ANAPC7: variants seen among roughly 807,000 people sequenced by gnomAD.
The protein encoded by ANAPC7 is anaphase-promoting complex subunit 7.
ANAPC7 carries 25 observed loss-of-function variants against 63.3 expected under a neutral mutation model. The ratio of observed to expected loss-of-function variants is 0.39; its 90% CI spans 0.29 to 0.55. The LOEUF is 0.55. Among genes scored for constraint, ANAPC7 ranks in the 20% least tolerant of loss-of-function variants. The pLI, the probability that ANAPC7 is intolerant of heterozygous loss-of-function variation, is 0.57. For missense variants in ANAPC7, 516 were observed against 691.7 expected, an observed-to-expected ratio of 0.75 and a Z score of 2.85; for synonymous variants, 241 against 251.7, an observed-to-expected ratio of 0.96 and a Z score of 0.40.
intron 6 of ANAPC7, among the ~76,000 whole-genome samples, chr12:110,384,781 T>A (rs1439135440): frequency 1.3e-5 from 2 of 152,024 alleles, no homozygotes; most frequent in African/African-American, 4.8e-5. Flanking sequence ...TGTCCTTCTA[T>A]CCTGTGGTGT....
chr12:110,377,868 C>T (rs992862222), intron 8 of ANAPC7: 1 of 1,345,282 alleles, frequency 7.4e-7, no homozygotes, highest in African/African-American at 1.5e-5. Context: ...AGGAAACAAG[C>T]ACATGTAAGG....
At chr12:110,389,168 T>C (rs1009366724) in intron 3 of ANAPC7, among the ~76,000 whole-genome samples, 1 of 151,716 alleles carries the variant, frequency 6.6e-6, no homozygotes, top group African/African-American at 2.4e-5. Context: ...GAAAGTCACA[T>C]TACCTTCCCA....
rs1258924061 is a variant in ANAPC7 at position 110,373,433 on chromosome 12, G to A, written c.*711C>T. On this transcript the variant is annotated 3_prime_UTR_variant, in exon 11 of 11. Transcript: ENST00000455511. ...ATTGCGAATAAGACAAAAATACTAAGAGTCTATTTTGAAAAGGGCTTCCAT... is the reference window on the plus strand; with the variant it reads ...ATTGCGAATAAGACAAAAATACTAAAAGTCTATTTTGAAAAGGGCTTCCAT... 1.3e-5 allele frequency: 2 copies of A among 152,072 alleles called. No homozygotes were observed. Among genetic ancestry groups the A allele is most frequent in the Admixed American group, 1.3e-4 (2 of 15,272 alleles). 9.4% of individuals were successfully genotyped at this position (152,072 alleles called of 1,614,324 possible).
intron 10 of ANAPC7, chr12:110,375,530 C>T: frequency 2.2e-6 from 2 of 896,076 alleles, no homozygotes; most frequent in South Asian, 5.1e-5. Flanking sequence ...AGGCACAGGG[C>T]TAAGAGCTTT....
At chr12:110,403,255 G>A (rs2062259521) in intron 1 of ANAPC7, among the ~76,000 whole-genome samples, 1 of 152,168 alleles carries the variant, frequency 6.6e-6, no homozygotes. Context: ...AGGTGCCTCA[G>A]GAAACCCTCG....
At chr12:110,402,182 AAAAT>A (rs1473046878) in intron 1 of ANAPC7, among the ~76,000 whole-genome samples, 8 of 151,888 alleles carry the variant, frequency 5.3e-5, no homozygotes, top group South Asian at 2.1e-4. Flanking sequence ...CAAAAAAATA[AAAAT>A]AAATAAACAA....
intron 6 of ANAPC7, among the ~76,000 whole-genome samples, chr12:110,385,345 GCTCA>G (rs1388844282): frequency 6.6e-6 from 1 of 152,164 alleles, no homozygotes; most frequent in Non-Finnish European, 1.5e-5. Flanking sequence ...AGGGACCTAT[GCTCA>G]CTGTTACCCA....
At chr12:110,382,789 C>T in intron 7 of ANAPC7, 54 bp downstream of exon 7, 1 of 1,414,064 alleles carries the variant, frequency 7.1e-7, no homozygotes. Flanking sequence ...CAAGAGCAAC[C>T]ATTATCTCTT....
intron 1 of ANAPC7, among the ~76,000 whole-genome samples, chr12:110,399,654 G>A (rs577322620): frequency 2.0e-5 from 3 of 152,036 alleles, no homozygotes; most frequent in East Asian, 3.9e-4. Context: ...GGCCATGTGC[G>A]GTGGCTTATG....
At position 110,403,579 on chromosome 12, in the gene ANAPC7, A is replaced by G; in HGVS notation, c.49T>C (p.Ser17Pro). The G allele has an allele frequency of 1.2e-6, 2 of 1,609,238 alleles. No homozygotes were observed. Among genetic ancestry groups the G allele is most frequent in the Non-Finnish European group, 8.5e-7 (1 of 1,178,334 alleles). ...AAGCTGCTGAGGAGCCGCACGTTGGAGTGCAGCCCCGCGGCCGCCATGTCC... is the reference window on the plus strand; with the variant it reads ...AAGCTGCTGAGGAGCCGCACGTTGGGGTGCAGCCCCGCGGCCGCCATGTCC... ...VRDMAAAGLH[S>P]NVRLLSSLLL... The change falls in exon 1 of 11, where the codon TCC becomes CCC. Residue 17 changes from serine (S) to proline (P), a missense_variant. By Grantham distance (74) the Ser-to-Pro change is moderately conservative. Around this residue, in one of 4 missense-constraint regions of ANAPC7, gnomAD observed 185 missense variants for 200.3 expected, o/e 0.92. Transcript: ENST00000455511.
intron 6 of ANAPC7, among the ~76,000 whole-genome samples, chr12:110,383,456 C>T (rs1882128775): frequency 6.6e-6 from 1 of 151,334 alleles, no homozygotes; most frequent in Non-Finnish European, 1.5e-5. Context: ...ATGCAAAACC[C>T]AGCTGGGCGT....
At chr12:110,388,866 G>A (rs1443839491) in intron 3 of ANAPC7, among the ~76,000 whole-genome samples, 1 of 151,980 alleles carries the variant, frequency 6.6e-6, no homozygotes, top group Non-Finnish European at 1.5e-5. Context: ...GGATCACGAG[G>A]TCAGGAGATT....
intron 6 of ANAPC7, 144 bp from the exon 7 acceptor site, chr12:110,383,104 T>TCC: frequency 1.7e-6 from 1 of 593,896 alleles, no homozygotes; most frequent in South Asian, 2.4e-5. Context: ...CACAGGCTCC[T>TCC]CCAACTACTA....
chr12:110,377,485 A>G lies in ANAPC7; in HGVS notation c.1265T>C (p.Val422Ala). The G allele has an allele frequency of 1.2e-6, 2 of 1,614,160 alleles. No individual in the cohort carries two copies. The highest frequency in any genetic ancestry group is 1.7e-6 in the Non-Finnish European group (2 of 1,180,032). The change falls in exon 9 of 11, where the codon GTG becomes GCG. Residue 422 changes from valine (V) to alanine (A), a missense_variant. Physicochemically the swap from Val to Ala is moderately conservative, Grantham distance 64. Around this residue, in one of 4 missense-constraint regions of ANAPC7, gnomAD observed 122 missense variants for 212.0 expected, o/e 0.58. Coordinates refer to ENST00000455511, the MANE Select transcript of ANAPC7 (RefSeq NM_016238.3). ...LLATVCLEDP[V>A]TQEKAKTLLD... ...TAATGTTTTGGCTTTCTCCTGTGTC[A>G]CTGGGTCTTCAAGACAAACGGTGGC...
rs1188850231 is a variant in ANAPC7 at position 110,376,143 on chromosome 12, C to T, written c.1431G>A (p.Leu477=). 2.5e-6 allele frequency: 4 copies of T among 1,614,166 alleles called. No individual in the cohort carries two copies. The highest frequency in any genetic ancestry group is 3.4e-6 in the Non-Finnish European group (4 of 1,180,044). Residue 477 remains leucine (L), a synonymous_variant, in exon 10 of 11, where the codon CTG becomes CTA. Transcript: ENST00000455511. ...NALANQSDCV[L]HRILGDFLVA... ...CAAGGAAATCTCCTAGGATCCGATG[C>T]AGGACACAGTCACTCTGATTAGCCA...
Position 110,382,490 on chromosome 12 carries a change from ATATATT to A in ANAPC7, c.935+347_935+352del, listed in dbSNP as rs1355125511. 1.1e-3 allele frequency among the ~76,000 whole-genome samples: 143 copies of A among 133,890 alleles called. 1 individual carries two copies. The highest frequency in any genetic ancestry group is 4.0e-3 in the African/African-American group (142 of 35,692). The allele number at this position is 133,890 out of a possible 152,430, so 87.8% of individuals were successfully genotyped here. A position where few individuals can be genotyped will look rare whatever the true frequency, so the allele number is the denominator to read the frequency against. On this transcript the variant is annotated intron_variant, in intron 7 of 10. Coordinates refer to ENST00000455511, the MANE Select transcript of ANAPC7 (RefSeq NM_016238.3). ...TATATATATATATATATATATATATATATATTTATAGAGACAGGGTCTTGCTACATT... is the reference window on the plus strand; with the variant it reads ...TATATATATATATATATATATATATATATAGAGACAGGGTCTTGCTACATT...
chr12:110,402,158 G>C (rs987134478), intron 1 of ANAPC7, among the ~76,000 whole-genome samples: 1 of 151,058 alleles, frequency 6.6e-6, no homozygotes, highest in African/African-American at 2.4e-5. Flanking sequence ...ATGGGCGACA[G>C]AGCGAGGCTG....
chr12:110,378,276 T>C (rs1881478858), intron 8 of ANAPC7, among the ~76,000 whole-genome samples: 1 of 152,114 alleles, frequency 6.6e-6, no homozygotes, highest in Admixed American at 6.6e-5. Context: ...GTATTTTTAG[T>C]AGAGACGGGG....
chr12:110,374,424 CCA>C (rs2137910802), intron 10 of ANAPC7, 91 bp from the exon 11 acceptor site: 1 of 1,263,176 alleles, frequency 7.9e-7, no homozygotes, highest in Non-Finnish European at 1.1e-6. Flanking sequence ...AGTGAAATGA[CCA>C]CACAGTCCCA....
Sources: allele counts gnomAD v4.1 joint callset (sites outside exome capture counted in the v4.1 genomes callset), GRCh38; gene constraint gnomAD v4.1.1; regional missense constraint gnomAD v4.1.1; transcripts MANE v1.5; gene names NCBI Gene and HGNC (gene_info 2026-07-23, HGNC 2026-07-21).